ABCC8: variants seen among roughly 807,000 people sequenced by gnomAD.
ABCC8 encodes the protein ATP-binding cassette sub-family C member 8.
Under a neutral mutation model 188.0 loss-of-function variants are expected in ABCC8, and 137 were observed. That is an observed-to-expected ratio of 0.73 (90% CI 0.63 to 0.84). The LOEUF (loss-of-function observed/expected upper bound fraction) is 0.84, where lower values mean the gene tolerates loss of function less well. ABCC8 is among the 40% of genes least tolerant of loss of function. The pLI, the probability that ABCC8 is intolerant of heterozygous loss-of-function variation, is 0.00. For synonymous variants in ABCC8, 797 were observed against 846.5 expected, an observed-to-expected ratio of 0.94 and a Z score of 1.01; for missense variants, 1,750 against 2,072.7, an observed-to-expected ratio of 0.84 and a Z score of 3.02.
At chr11:17,465,191 C>A (rs893795599) in intron 3 of ABCC8, among the ~76,000 whole-genome samples, 5 of 152,190 alleles carry the variant, frequency 3.3e-5, no homozygotes, top group African/African-American at 1.2e-4. Context: ...GGAGGAATTC[C>A]ACAGCTGAAG....
intron 29 of ABCC8, among the ~76,000 whole-genome samples, chr11:17,399,926 G>T (rs4148641): frequency 9.2e-5 from 14 of 152,154 alleles, no homozygotes; most frequent in Middle Eastern, 3.4e-3. Context: ...CTGGGCTGCC[G>T]TCATCACTCT....
At chr11:17,461,428 T>G in intron 5 of ABCC8, 155 bp downstream of exon 5, 1 of 945,626 alleles carries the variant, frequency 1.1e-6, no homozygotes, top group South Asian at 1.4e-5. Context: ...CTGTCCCTGG[T>G]TCACTGTGTG....
chr11:17,428,576 A>T lies in ABCC8; in HGVS notation c.1912T>A (p.Tyr638Asn), dbSNP rs750685008. 1.2e-6 allele frequency: 2 copies of T among 1,614,114 alleles called. No individual in the cohort carries two copies. Among genetic ancestry groups the T allele is most frequent in the Middle Eastern group, 3.3e-4 (2 of 6,062 alleles). ...EPTPQGPASK[Y>N]QAVPLRVVNR... ...GGCCGGGCACTCACCACCGCCTGGT[A>T]CTTGCTGGCTGGGCCCTGAGGTGTG... The change falls in exon 13 of 39, where the codon TAC (tyrosine) becomes AAC (asparagine). Residue 638 changes from tyrosine (Y) to asparagine (N), a missense_variant. By Grantham distance (143) the Tyr-to-Asn change is moderately radical. Coordinates refer to ENST00000389817, the MANE Select transcript of ABCC8 (RefSeq NM_000352.6).
At chr11:17,464,701 A>T (rs1231812411) in intron 3 of ABCC8, among the ~76,000 whole-genome samples, 3 of 152,170 alleles carry the variant, frequency 2.0e-5, no homozygotes, top group African/African-American at 7.2e-5. Context: ...TCGCACACAC[A>T]CTCACTTCAA....
intron 21 of ABCC8, among the ~76,000 whole-genome samples, chr11:17,412,382 G>A (rs1216075551): frequency 6.6e-6 from 1 of 152,242 alleles, no homozygotes; most frequent in Non-Finnish European, 1.5e-5. Context: ...CATAAGTGTT[G>A]AGGGGTTGGG....
chr11:17,443,305 A>C lies in ABCC8; in HGVS notation c.1340T>G (p.Val447Gly). 6.2e-7 allele frequency: 1 copy of C among 1,614,070 alleles called. No homozygotes were observed. The highest frequency in any genetic ancestry group is 1.7e-5 in the Admixed American group (1 of 60,014). Reference protein sequence around the residue: ...NLWAMPVQIIVGVILLYYILG... With the variant: ...NLWAMPVQIIGGVILLYYILG... ...TATGTAGTAGAGGAGAATCACACCC[A>C]CAATGATCTGAGGAAGGGGTCATGG... Residue 447 changes from valine to glycine, a missense_variant, in exon 9 of 39, where the codon GTG (valine) becomes GGG (glycine). Val to Gly is a moderately radical substitution (Grantham distance 109). Coordinates refer to ENST00000389817, the MANE Select transcript of ABCC8 (RefSeq NM_000352.6).
At position 17,393,955 on chromosome 11, in the gene ABCC8, G is replaced by A. The variant is rs1406180714; in HGVS notation, c.4546-196C>T. 4 of 704,690 alleles carry A rather than the reference G, an allele frequency of 5.7e-6. No homozygotes were observed. The African/African-American group carries it at 7.8e-5, about 14-fold the overall frequency. The allele number at this position is 704,690 out of a possible 1,614,324, so 43.7% of individuals were successfully genotyped here. The stretch of plus-strand genomic sequence containing the variant: ...CAGCCTGTTGGGAGCTCAGCTCTGT[G>A]TGTGTATGTAGGTTGTGGTTGTGGC... On this transcript the variant is annotated intron_variant, in intron 37 of 38. Coordinates refer to ENST00000389817, the MANE Select transcript of ABCC8 (RefSeq NM_000352.6).
At chr11:17,408,099 TGTTTTCTTTGCTTA>T (rs896036090) in intron 23 of ABCC8, 12 of 325,516 alleles carry the variant, frequency 3.7e-5, no homozygotes, top group Admixed American at 9.2e-5. Flanking sequence ...AATTCCCTCT[TGTTTTCTTTGCTTA>T]GTTTTCTTTG....
chr11:17,476,641 T>A lies in ABCC8; in HGVS notation c.136A>T (p.Ile46Phe), dbSNP rs759639212. 1.9e-6 allele frequency: 3 copies of A among 1,611,868 alleles called. No homozygotes were observed. The highest frequency in any genetic ancestry group is 2.5e-6 in the Non-Finnish European group (3 of 1,179,122). Residue 46 changes from isoleucine to phenylalanine, a missense_variant, in exon 1 of 39, where the codon ATC becomes TTC. Coordinates refer to ENST00000389817, the MANE Select transcript of ABCC8 (RefSeq NM_000352.6). ...TGCGCGCACTCACCAATGAAGAGGA[T>A]GGGGAAGGTGATGAAGAGTAGGAAG... Reference protein sequence around the residue: ...HVFLLFITFPILFIGWGSQSS... With the variant: ...HVFLLFITFPFLFIGWGSQSS...
Position 17,476,786 on chromosome 11 carries a change from G to C in ABCC8, c.-10C>G, listed in dbSNP as rs1363700435. ...AGAAGGCCAGGGGCATGGCGGCGCG[G>C]GCGCGGGCTGGGCTCGGGCTCAGCT... On this transcript the variant is annotated 5_prime_UTR_variant, in exon 1 of 39. Transcript: ENST00000389817. The C allele has an allele frequency of 1.7e-5, 27 of 1,543,702 alleles. No individual in the cohort carries two copies. In the East Asian group the frequency reaches 2.5e-4, roughly 14 times the overall value.
At position 17,402,703 on chromosome 11, in the gene ABCC8, A is replaced by C; in HGVS notation, c.3608T>G (p.Phe1203Cys). The change falls in exon 29 of 39, where the codon TTT becomes TGT. Residue 1203 changes from phenylalanine (F) to cysteine (C), a missense_variant. Phe to Cys is a radical substitution (Grantham distance 205). Transcript: ENST00000389817. ...GGTGAGTCCTTCTACGGTTTCGGCA[A>C]AGTGTGAGAGAAGTGGAAGCTGGGT... Reference protein sequence around the residue: ...DTTQLPLLSHFAETVEGLTTI... With the variant: ...DTTQLPLLSHCAETVEGLTTI... 1 of 1,614,230 alleles carries C rather than the reference A, an allele frequency of 6.2e-7. No homozygotes were observed. Among genetic ancestry groups the C allele is most frequent in the Non-Finnish European group, 8.5e-7 (1 of 1,180,046 alleles).
At chr11:17,429,098 C>T (rs1201007848) in intron 12 of ABCC8, 1 of 191,178 alleles carries the variant, frequency 5.2e-6, no homozygotes, top group East Asian at 1.5e-4. Context: ...TAATCGGATC[C>T]CCATAACAGC....
chr11:17,395,306 A>G (rs1953855059), intron 35 of ABCC8, 31 bp from the exon 36 acceptor site: 2 of 1,556,708 alleles, frequency 1.3e-6, no homozygotes, highest in South Asian at 1.2e-5. Flanking sequence ...CCCAGTAGGG[A>G]GGGAGCAGGG....
chr11:17,471,471 A>G (rs931879637), intron 2 of ABCC8, among the ~76,000 whole-genome samples: 1 of 152,154 alleles, frequency 6.6e-6, no homozygotes, highest in Admixed American at 6.5e-5. Flanking sequence ...TCCACCAAAG[A>G]GTATCTTCCC....
At position 17,428,593 on chromosome 11, in the gene ABCC8, T is replaced by C; in HGVS notation, c.1895A>G (p.Gln632Arg). 1.9e-6 allele frequency: 3 copies of C among 1,614,110 alleles called. No individual in the cohort carries two copies. The highest frequency in any genetic ancestry group is 2.5e-6 in the Non-Finnish European group (3 of 1,180,016). Reference sequence around the variant, plus strand: ...CGCCTGGTACTTGCTGGCTGGGCCCTGAGGTGTGGGCTCATGGGGGGCACA... The same window carrying C: ...CGCCTGGTACTTGCTGGCTGGGCCCCGAGGTGTGGGCTCATGGGGGGCACA... ...EQCAPHEPTP[Q>R]GPASKYQAVP... Residue 632 changes from glutamine (Q) to arginine (R), a missense_variant, in exon 13 of 39, where the codon CAG becomes CGG. Transcript: ENST00000389817.
Position 17,404,740 on chromosome 11 carries a change from C to T in ABCC8, c.3400-71G>A, listed in dbSNP as rs1954432796. ...CTGTGTTTAGAGTGCTACTGGCCGC[C>T]ATGTTTTGCTCTCACTTTATTTTTT... On this transcript the variant is annotated intron_variant, in intron 27 of 38. Transcript: ENST00000389817. This position sits in a 1 kb window ranked among gnomAD's most constrained non-coding sequence, Gnocchi z 4.7. 1.9e-6 allele frequency: 3 copies of T among 1,546,082 alleles called. No individual in the cohort carries two copies. Among genetic ancestry groups the T allele is most frequent in the Admixed American group, 3.9e-5 (2 of 51,094 alleles).
chr11:17,396,970 G>A lies in ABCC8; in HGVS notation c.4065C>T (p.Ser1355=), dbSNP rs762499123. ...QIQNLSVRYD[S]SLKPVLKHVN... Reference sequence around the variant, plus strand: ...CGTGCTTCAGCACCGGCTTCAGGGAGCTGTCGTAGCGCACGCTCAGGTTCT... The same window carrying A: ...CGTGCTTCAGCACCGGCTTCAGGGAACTGTCGTAGCGCACGCTCAGGTTCT... Residue 1355 remains serine, a synonymous_variant, in exon 33 of 39, where the codon AGC becomes AGT. Coordinates refer to ENST00000389817, the MANE Select transcript of ABCC8 (RefSeq NM_000352.6). 1 of 1,614,232 alleles carries A rather than the reference G, an allele frequency of 6.2e-7. No homozygotes were observed. Among genetic ancestry groups the A allele is most frequent in the Non-Finnish European group, 8.5e-7 (1 of 1,180,032 alleles).
intron 21 of ABCC8, among the ~76,000 whole-genome samples, chr11:17,411,423 C>T (rs140282760): frequency 6.6e-6 from 1 of 152,346 alleles, no homozygotes; most frequent in African/African-American, 2.4e-5. Context: ...CGCGAATGCA[C>T]CCATGCTTTG....
chr11:17,397,857 T>C, intron 30 of ABCC8, 60 bp from the exon 31 acceptor site: 1 of 1,599,002 alleles, frequency 6.3e-7, no homozygotes, highest in Non-Finnish European at 8.5e-7. Flanking sequence ...GCCCCTGTTC[T>C]ACCTCACTCC....
Sources: gnomAD v4.1 joint callset for allele counts (sites outside exome capture counted in the v4.1 genomes callset) on GRCh38, gnomAD v4.1.1 for gene constraint, Gnocchi (gnomAD v3.1) non-coding constraint, MANE v1.5 for transcripts, NCBI Gene and HGNC (gene_info 2026-07-23, HGNC 2026-07-21) for gene names.